SLC22A3: variants seen among roughly 807,000 people sequenced by gnomAD.
SLC22A3 encodes the protein solute carrier family 22 member 3.
In SLC22A3, 51 loss-of-function variants were observed where a neutral mutation model predicts 59.1. The observed-to-expected ratio is 0.86, with a 90% CI of 0.69 to 1.09. The LOEUF is 1.09. SLC22A3 is among the 50% of genes least tolerant of loss of function. The pLI is 0.00. For missense variants in SLC22A3, 711 were observed against 726.3 expected, an observed-to-expected ratio of 0.98 and a Z score of 0.24; for synonymous variants, 325 against 292.0, an observed-to-expected ratio of 1.11 and a Z score of -1.15.
intron 1 of SLC22A3, among the ~76,000 whole-genome samples, chr6:160,375,216 C>A (rs1306803196): frequency 6.6e-6 from 1 of 152,164 alleles, no homozygotes; most frequent in Admixed American, 6.5e-5. Flanking sequence ...TCCATGCACA[C>A]AACCAGGACC....
chr6:160,420,647 G>A (rs1015365417), intron 5 of SLC22A3, among the ~76,000 whole-genome samples: 1 of 152,200 alleles, frequency 6.6e-6, no homozygotes, highest in Non-Finnish European at 1.5e-5. Flanking sequence ...GCCCAGGGCC[G>A]GGGAGTTGGG....
intron 1 of SLC22A3, among the ~76,000 whole-genome samples, chr6:160,369,610 A>G (rs965167702): frequency 4.6e-5 from 7 of 152,244 alleles, no homozygotes; most frequent in Non-Finnish European, 7.3e-5. Flanking sequence ...CATGTTAGAT[A>G]AAAGTAAGGA....
intron 5 of SLC22A3, among the ~76,000 whole-genome samples, chr6:160,432,005 G>A (rs1205423316): frequency 6.6e-6 from 1 of 152,136 alleles, no homozygotes; most frequent in Non-Finnish European, 1.5e-5. Context: ...CTTAAGACTT[G>A]TTGTCTCATC....
rs150880230 is a variant in SLC22A3, at chr6:160,350,730, T to C, written c.429+1882T>C. On this transcript the variant is annotated intron_variant, in intron 1 of 10. Coordinates refer to ENST00000275300, the MANE Select transcript of SLC22A3 (RefSeq NM_021977.4). ...CATAAAAATCTGTAATTTAATGCTC[T>C]GACGGATACTTTGGAAGCATTCTGG... 4.6e-3 allele frequency among the ~76,000 whole-genome samples: 702 copies of C among 152,348 alleles called. 2 individuals carry two copies. The highest frequency in any genetic ancestry group is 0.015 in the African/African-American group (632 of 41,580).
intron 1 of SLC22A3, among the ~76,000 whole-genome samples, chr6:160,360,007 T>C (rs891882102): frequency 2.6e-5 from 4 of 152,238 alleles, no homozygotes; most frequent in Non-Finnish European, 5.9e-5. Flanking sequence ...TCATATACTT[T>C]TCAAATATTT....
At chr6:160,387,138 G>A (rs774296619) in intron 1 of SLC22A3, among the ~76,000 whole-genome samples, 1 of 152,202 alleles carries the variant, frequency 6.6e-6, no homozygotes, top group Non-Finnish European at 1.5e-5. Context: ...GCAACTGCCC[G>A]AGCACCCACA....
At chr6:160,388,968 A>G (rs1023416234) in intron 1 of SLC22A3, among the ~76,000 whole-genome samples, 90 of 152,332 alleles carry the variant, frequency 5.9e-4, no homozygotes, top group African/African-American at 2.0e-3. Flanking sequence ...AGGAAATGCA[A>G]TAATCCAGAC....
chr6:160,388,401 C>T (rs752289531), intron 1 of SLC22A3, among the ~76,000 whole-genome samples: 6 of 152,156 alleles, frequency 3.9e-5, no homozygotes, highest in Non-Finnish European at 7.3e-5. Context: ...CTGGGACCCA[C>T]CCCTAGAAAT....
intron 5 of SLC22A3, among the ~76,000 whole-genome samples, chr6:160,422,624 C>T (rs933521623): frequency 3.9e-5 from 6 of 152,178 alleles, no homozygotes; most frequent in Admixed American, 1.3e-4. Flanking sequence ...ATTTGAGAGA[C>T]GGAAATAGAA....
chr6:160,370,313 T>C (rs1177369281), intron 1 of SLC22A3, among the ~76,000 whole-genome samples: 1 of 152,218 alleles, frequency 6.6e-6, no homozygotes, highest in Non-Finnish European at 1.5e-5. Flanking sequence ...ACTCATGCCA[T>C]CTTTGGATAG....
intron 1 of SLC22A3, among the ~76,000 whole-genome samples, chr6:160,374,104 G>A (rs1309550300): frequency 6.6e-6 from 1 of 152,240 alleles, no homozygotes; most frequent in Non-Finnish European, 1.5e-5. Context: ...TGGCTGCCCA[G>A]TTTTGTGCTT....
chr6:160,409,526 G>A (rs1355996526), intron 4 of SLC22A3, among the ~76,000 whole-genome samples: 1 of 147,734 alleles, frequency 6.8e-6, no homozygotes, highest in African/African-American at 2.5e-5. Context: ...TACTCATTTG[G>A]GTATATACCC....
chr6:160,427,206 G>C (rs367558960), intron 5 of SLC22A3, among the ~76,000 whole-genome samples: 1 of 152,138 alleles, frequency 6.6e-6, no homozygotes, highest in African/African-American at 2.4e-5. Context: ...CCCCACTGCC[G>C]ACTTGCCAAG....
chr6:160,450,934 G>GAAC, intron 10 of SLC22A3, 62 bp from the exon 11 acceptor site: 8 of 1,446,728 alleles, frequency 5.5e-6, no homozygotes, highest in Non-Finnish European at 7.6e-6. Context: ...AATAATAACA[G>GAAC]AACACCCTCT....
intron 1 of SLC22A3, among the ~76,000 whole-genome samples, chr6:160,358,833 T>C (rs1784925597): frequency 6.6e-6 from 1 of 152,186 alleles, no homozygotes; most frequent in Non-Finnish European, 1.5e-5. Context: ...TTCTTTCCAA[T>C]TGCAGTCTGA....
At chr6:160,396,028 A>T (rs1314551473) in intron 1 of SLC22A3, among the ~76,000 whole-genome samples, 1 of 152,214 alleles carries the variant, frequency 6.6e-6, no homozygotes, top group African/African-American at 2.4e-5. Flanking sequence ...GTCGGCCTGG[A>T]TAATTTTAAG....
At chr6:160,395,298 C>A (rs1370279691) in intron 1 of SLC22A3, among the ~76,000 whole-genome samples, 2 of 152,126 alleles carry the variant, frequency 1.3e-5, no homozygotes, top group Non-Finnish European at 2.9e-5. Context: ...AGTTCAAAAG[C>A]AGCTGAATAC....
At chr6:160,364,249 GT>G (rs1785125354) in intron 1 of SLC22A3, among the ~76,000 whole-genome samples, 2 of 152,326 alleles carry the variant, frequency 1.3e-5, no homozygotes, top group African/African-American at 4.8e-5. Context: ...TACACTCCAT[GT>G]GGTAGATGGG....
At position 160,408,756 on chromosome 6, in the gene SLC22A3, C is replaced by G; in HGVS notation, c.692C>G (p.Thr231Arg). The change falls in exon 4 of 11, where the codon ACA becomes AGA. Residue 231 changes from threonine to arginine, a missense_variant. By Grantham distance (71) the Thr-to-Arg change is moderately conservative. Coordinates refer to ENST00000275300, the MANE Select transcript of SLC22A3 (RefSeq NM_021977.4). The stretch of plus-strand genomic sequence containing the variant: ...TCTTGTGTTTGTTTTCCTTTAGTGA[C>G]AGAAATAGTAGGTTCGAAACAAAGG... Reference protein sequence around the residue: ...GTWMTCYVIVTEIVGSKQRRI... With the variant: ...GTWMTCYVIVREIVGSKQRRI... 6 of 1,613,520 alleles carry G rather than the reference C, an allele frequency of 3.7e-6. No individual in the cohort carries two copies. Among genetic ancestry groups the G allele is most frequent in the Non-Finnish European group, 5.1e-6 (6 of 1,179,632 alleles).
Sources: allele counts gnomAD v4.1 joint callset (sites outside exome capture counted in the v4.1 genomes callset), GRCh38; gene constraint gnomAD v4.1.1; transcripts MANE v1.5; gene names NCBI Gene and HGNC (gene_info 2026-07-23, HGNC 2026-07-21).